Variants in TTC6 observed in about 807,000 individuals in gnomAD.
TTC6 encodes tetratricopeptide repeat protein 6.
A neutral mutation model predicts 210.4 loss-of-function variants in TTC6; 172 were observed. That is an observed-to-expected ratio of 0.82 (90% CI 0.72 to 0.93). The LOEUF (loss-of-function observed/expected upper bound fraction) is 0.93. Among genes scored for constraint, TTC6 ranks in the 40% least tolerant of loss-of-function variants. The pLI is 0.00. For synonymous variants in TTC6, 804 were observed against 819.6 expected (o/e 0.98, Z 0.32); for missense variants, 2,414 against 2,318.1 (o/e 1.04, Z -0.85).
chr14:37,823,772 A>G lies in TTC6; in HGVS notation c.4789A>G (p.Asn1597Asp), dbSNP rs1595316235. Residue 1597 changes from asparagine (N) to aspartate (D), a missense_variant, in exon 27 of 31, where the codon AAT becomes GAT. Coordinates refer to ENST00000553443, the Ensembl canonical transcript of TTC6. ...AATTAATGAGTTTGAAGAAGCTGTC[A>G]ATTTCTTTACTTGGGCTCTTAAAAT... The G allele has an allele frequency of 3.7e-6, 6 of 1,613,896 alleles. No individual in the cohort carries two copies. In the African/African-American group the frequency reaches 4.0e-5, roughly 11 times the overall value.
intron 29 of TTC6, among the ~76,000 whole-genome samples, chr14:37,838,185 T>A (rs1040571034): frequency 1.3e-5 from 2 of 152,158 alleles, no homozygotes; most frequent in African/African-American, 2.4e-5. Flanking sequence ...GTTAGAGATT[T>A]CTAAATTGAT....
chr14:37,804,812 A>G, exon 21 of TTC6: 6 of 1,613,490 alleles, frequency 3.7e-6, no homozygotes, highest in Non-Finnish European at 5.1e-6. Context: ...CAATTTACAA[A>G]TGGTATTTCG....
chr14:37,644,932 A>G (rs1189412717), intron 1 of TTC6, among the ~76,000 whole-genome samples: 2 of 152,180 alleles, frequency 1.3e-5, no homozygotes, highest in Non-Finnish European at 1.5e-5. Flanking sequence ...TATCTGTTCA[A>G]TAGGGCTAAT....
chr14:37,833,404 C>T (rs193297708), intron 29 of TTC6, among the ~76,000 whole-genome samples: 25 of 152,170 alleles, frequency 1.6e-4, no homozygotes, highest in Admixed American at 1.4e-3. Context: ...GACTTGAAGT[C>T]TGTTTTGTTT....
intron 14 of TTC6, among the ~76,000 whole-genome samples, chr14:37,784,527 G>C (rs1469987452): frequency 6.6e-6 from 1 of 152,074 alleles, no homozygotes; most frequent in African/African-American, 2.4e-5. Context: ...TGCACGTTGA[G>C]ATGGGTCTCC....
At chr14:37,826,026 G>A (rs7154349) in intron 27 of TTC6, among the ~76,000 whole-genome samples, 169 bp from the exon 30 acceptor site, 131,120 of 152,112 alleles carry the variant, frequency 0.86, 57,637 homozygotes, top group Non-Finnish European at 0.95. Flanking sequence ...GCAACTGAAT[G>A]CAGCCACAGT....
At chr14:37,619,931 A>C (rs1285323686), upstream of TTC6, among the ~76,000 whole-genome samples, 5 of 152,178 alleles carry the variant, frequency 3.3e-5, no homozygotes, top group Non-Finnish European at 7.4e-5. Flanking sequence ...GATATAATTA[A>C]AATATTTGGT....
intron 15 of TTC6, among the ~76,000 whole-genome samples, chr14:37,788,676 C>G (rs726238): frequency 0.16 from 23,956 of 152,052 alleles, 2,078 homozygotes; most frequent in East Asian, 0.36. Context: ...ACCCTCACTT[C>G]TGTGGCTACT....
At chr14:37,766,834 G>A (rs568986794) in intron 14 of TTC6, among the ~76,000 whole-genome samples, 1 of 151,866 alleles carries the variant, frequency 6.6e-6, no homozygotes, top group African/African-American at 2.4e-5. Context: ...AAGTTTTAGG[G>A]TACATGTGCA....
rs140524903 is a variant in TTC6, at chr14:37,748,301, G to A, written c.2364-638G>A. Among the ~76,000 whole-genome samples the A allele has an allele frequency of 2.7e-3, 408 of 152,174 alleles. 2 individuals are homozygous for A. The highest frequency in any genetic ancestry group is 9.4e-3 in the African/African-American group (389 of 41,510). ...ATATTCAGTAAATATGAAGTGATAG[G>A]GTAACTTTTTCTTATTCCGATAGAC... is the stretch of plus-strand genomic sequence containing the variant. On this transcript the variant is annotated intron_variant, in intron 10 of 30. Coordinates refer to ENST00000553443, the Ensembl canonical transcript of TTC6.
intron 1 of TTC6, among the ~76,000 whole-genome samples, chr14:37,639,715 C>CAAA (rs35837305): frequency 4.0e-5 from 3 of 74,188 alleles, no homozygotes; most frequent in African/African-American, 1.0e-4. Context: ...ACAAGAAATA[C>CAAA]AAAAAAAAAA....
At position 37,733,494 on chromosome 14, in the gene TTC6, T is replaced by G. The variant is rs900861952; in HGVS notation, c.1819-2427T>G. On this transcript the variant is annotated intron_variant, in intron 7 of 30. Transcript: ENST00000553443. Reference sequence around the variant, plus strand: ...TTTCATTCTTGAGGAATATTTTATCTGAGTATAATATATTGGCAGATGTTT... The same window carrying G: ...TTTCATTCTTGAGGAATATTTTATCGGAGTATAATATATTGGCAGATGTTT... Among the ~76,000 whole-genome samples the G allele has an allele frequency of 2.0e-5, 3 of 152,188 alleles. No individual in the cohort carries two copies. The East Asian group carries it at 5.8e-4, about 29-fold the overall frequency.
intron 25 of TTC6, 53 bp from the exon 28 acceptor site, chr14:37,817,525 T>A: frequency 6.5e-7 from 1 of 1,538,364 alleles, no homozygotes; most frequent in South Asian, 1.1e-5. Context: ...AAGTTTAAGA[T>A]AGCACATAAA....
intron 4 of TTC6, among the ~76,000 whole-genome samples, chr14:37,700,834 C>G (rs1372072022): frequency 6.7e-6 from 1 of 148,386 alleles, no homozygotes; most frequent in African/African-American, 2.5e-5. Flanking sequence ...CAAGTCCAAG[C>G]AGAGTGGGAA....
intron 3 of TTC6, among the ~76,000 whole-genome samples, chr14:37,696,297 G>A (rs1362697470): frequency 6.6e-6 from 1 of 151,860 alleles, no homozygotes; most frequent in East Asian, 1.9e-4. Flanking sequence ...CATGAATTCT[G>A]CATAAGTTTA....
intron 5 of TTC6, among the ~76,000 whole-genome samples, chr14:37,706,201 G>C (rs933432030): frequency 6.6e-6 from 1 of 152,118 alleles, no homozygotes; most frequent in Non-Finnish European, 1.5e-5. Flanking sequence ...GAGGAAGAAT[G>C]ACATGATCAG....
chr14:37,774,038 A>G (rs577737600), intron 14 of TTC6, among the ~76,000 whole-genome samples: 29 of 152,038 alleles, frequency 1.9e-4, no homozygotes, highest in Non-Finnish European at 3.1e-4. Flanking sequence ...ATGGGATTGC[A>G]TTCTTGATTT....
intron 6 of TTC6, 105 bp from the exon 9 acceptor site, chr14:37,724,793 A>G: frequency 1.7e-6 from 1 of 596,456 alleles, no homozygotes; most frequent in Non-Finnish European, 2.6e-6. Context: ...AAGCTGTGGA[A>G]CCAAAAATTC....
chr14:37,787,128 A>G (rs921703865), intron 14 of TTC6, among the ~76,000 whole-genome samples: 3 of 152,210 alleles, frequency 2.0e-5, no homozygotes, highest in Non-Finnish European at 2.9e-5. Context: ...TTTTGTATAA[A>G]TTAGTGCTTA....
Sources: allele counts gnomAD v4.1 joint callset (sites outside exome capture counted in the v4.1 genomes callset), GRCh38; gene constraint gnomAD v4.1.1; transcripts MANE v1.5; gene names NCBI Gene and HGNC (gene_info 2026-07-23, HGNC 2026-07-21).